EBF1: variants seen among roughly 807,000 people sequenced by gnomAD.
EBF1 encodes the protein EBF transcription factor 1.
A neutral mutation model predicts 68.4 loss-of-function variants in EBF1; 10 were observed. The observed-to-expected ratio is 0.15, with a 90% CI of 0.09 to 0.25. EBF1 has a LOEUF of 0.25. EBF1 is among the 10% of genes least tolerant of loss of function. The pLI is 1.00. For synonymous variants in EBF1, 298 were observed against 299.8 expected (o/e 0.99, Z 0.06); for missense variants, 509 against 794.4 (o/e 0.64, Z 4.32).
intron 7 of EBF1, among the ~76,000 whole-genome samples, chr5:158,834,994 T>A (rs1423880137): frequency 6.6e-6 from 1 of 151,798 alleles, no homozygotes; most frequent in Non-Finnish European, 1.5e-5. Context: ...GAGACCAGAG[T>A]TTTTTTGTGC....
chr5:159,077,529 A>T (rs1778989402), intron 5 of EBF1, among the ~76,000 whole-genome samples: 1 of 152,074 alleles, frequency 6.6e-6, no homozygotes, highest in South Asian at 2.1e-4. Context: ...TGTATTTTAT[A>T]TTCATTTGTC....
intron 6 of EBF1, among the ~76,000 whole-genome samples, chr5:159,037,787 T>C (rs1048355793): frequency 3.3e-5 from 5 of 151,802 alleles, no homozygotes; most frequent in Admixed American, 1.3e-4. Context: ...GCACATGTAC[T>C]CTAAAACTTA....
intron 14 of EBF1, among the ~76,000 whole-genome samples, chr5:158,708,813 T>C (rs1283467896): frequency 6.6e-6 from 1 of 152,138 alleles, no homozygotes; most frequent in African/African-American, 2.4e-5. Flanking sequence ...TTGTGAAAAA[T>C]GCAGAACTCT....
At position 158,778,031 on chromosome 5, in the gene EBF1, G is replaced by A. The variant is rs570075921; in HGVS notation, c.910-492C>T. 3.3e-5 allele frequency among the ~76,000 whole-genome samples: 5 copies of A among 152,208 alleles called. No individual in the cohort carries two copies. In the South Asian group the frequency reaches 1.0e-3, roughly 32 times the overall value. On this transcript the variant is annotated intron_variant, in intron 9 of 15. Transcript: ENST00000313708. ...AGACCATTTGGTGTATTAACTACCA[G>A]AGGCACAATCAAAGAGCTTTACAGG...
rs368926751 is a variant in EBF1, at chr5:159,015,094, T to A, written c.554+58302A>T. Among the ~76,000 whole-genome samples, 4 of 152,382 alleles carry A rather than the reference T, an allele frequency of 2.6e-5. No homozygotes were observed. The South Asian group carries it at 6.2e-4, about 24-fold the overall frequency. On this transcript the variant is annotated intron_variant, in intron 6 of 15. Coordinates refer to ENST00000313708, the MANE Select transcript of EBF1 (RefSeq NM_024007.5). ...TGCAGCCGAATCTAACTATGGCTGA[T>A]GCAGTCACCTAAAGAAAGGCATGGA...
intron 8 of EBF1, among the ~76,000 whole-genome samples, chr5:158,798,737 G>A (rs1020605135): frequency 7.9e-5 from 12 of 152,186 alleles, no homozygotes; most frequent in Admixed American, 3.9e-4. Flanking sequence ...ATATGTCAAT[G>A]CCTCAGAGGC....
intron 6 of EBF1, among the ~76,000 whole-genome samples, chr5:158,848,430 A>T (rs1417195898): frequency 6.6e-6 from 1 of 152,198 alleles, no homozygotes; most frequent in East Asian, 1.9e-4. Flanking sequence ...ATAAATTTTA[A>T]TATTTTTTGA....
chr5:158,791,803 T>C (rs1778663380), intron 9 of EBF1, among the ~76,000 whole-genome samples: 1 of 152,140 alleles, frequency 6.6e-6, no homozygotes, highest in Non-Finnish European at 1.5e-5. Flanking sequence ...TATATAAATA[T>C]ATTATGTAAC....
intron 6 of EBF1, among the ~76,000 whole-genome samples, chr5:158,964,308 G>A (rs944837435): frequency 6.6e-6 from 1 of 152,296 alleles, no homozygotes; most frequent in Non-Finnish European, 1.5e-5. Flanking sequence ...CTGGGACAAT[G>A]AGGAGCCAGG....
intron 6 of EBF1, among the ~76,000 whole-genome samples, chr5:158,873,406 C>A (rs532098787): frequency 6.6e-6 from 1 of 152,228 alleles, no homozygotes; most frequent in South Asian, 2.1e-4. Flanking sequence ...CCACAGTGTT[C>A]CCTGAACTTC....
chr5:158,866,871 A>G (rs1288760888), intron 6 of EBF1, among the ~76,000 whole-genome samples: 12 of 89,426 alleles, frequency 1.3e-4, no homozygotes, highest in African/African-American at 3.9e-4. Context: ...ATATATATAT[A>G]TATATATATA....
intron 9 of EBF1, among the ~76,000 whole-genome samples, chr5:158,793,481 C>T (rs1779046983): frequency 6.6e-6 from 1 of 152,102 alleles, no homozygotes; most frequent in African/African-American, 2.4e-5. Context: ...CTTATGAAAC[C>T]TCATTTTTTT....
chr5:159,076,868 G>A (rs1778870047), intron 5 of EBF1, among the ~76,000 whole-genome samples: 1 of 152,186 alleles, frequency 6.6e-6, no homozygotes, highest in Non-Finnish European at 1.5e-5. Context: ...ATATGGATGT[G>A]TGTGTACACA....
intron 6 of EBF1, among the ~76,000 whole-genome samples, chr5:158,964,647 T>C (rs1268702089): frequency 3.3e-5 from 5 of 151,278 alleles, no homozygotes; most frequent in African/African-American, 4.9e-5. Flanking sequence ...CCCAGAAATA[T>C]TATATGATCA....
chr5:158,728,255 G>A lies in EBF1; in HGVS notation c.1125+2814C>T, dbSNP rs180681990. 2.9e-3 allele frequency among the ~76,000 whole-genome samples: 437 copies of A among 152,218 alleles called. 2 individuals carry two copies. Among genetic ancestry groups the A allele is most frequent in the African/African-American group, 9.7e-3 (403 of 41,530 alleles). ...CTGAGAGCTTCCTGGGGTGGGCTCC[G>A]GCCAGCCCTTGCACGATCAAGTGGC... On this transcript the variant is annotated intron_variant, in intron 11 of 15. Transcript: ENST00000313708.
At chr5:158,876,791 C>T (rs564074303) in intron 6 of EBF1, among the ~76,000 whole-genome samples, 117 of 152,262 alleles carry the variant, frequency 7.7e-4, no homozygotes, top group African/African-American at 2.8e-3. Flanking sequence ...TTGATAGCCC[C>T]CTTTCGATTG....
At position 158,956,496 on chromosome 5, in the gene EBF1, C is replaced by T. The variant is rs145992728; in HGVS notation, c.555-116386G>A. On this transcript the variant is annotated intron_variant, in intron 6 of 15. Transcript: ENST00000313708. ...ACACACACGCACACACACACACGCA[C>T]GCACACTTTCAGATATTCCTTCTAA... Among the ~76,000 whole-genome samples the T allele has an allele frequency of 3.1e-3, 472 of 152,096 alleles. 5 individuals carry two copies. The highest frequency in any genetic ancestry group is 9.8e-3 in the African/African-American group (405 of 41,520).
chr5:158,827,861 A>T (rs914281732), intron 7 of EBF1, among the ~76,000 whole-genome samples: 1 of 152,314 alleles, frequency 6.6e-6, no homozygotes, highest in Admixed American at 6.5e-5. Context: ...CAAAGATTAG[A>T]CCATAAATAT....
At position 158,841,693 on chromosome 5, in the gene EBF1, G is replaced by A. The variant is rs145843737; in HGVS notation, c.555-1583C>T. On this transcript the variant is annotated intron_variant, in intron 6 of 15. Transcript: ENST00000313708. ...ATCCTCTATAACAACAGCACTGCAC[G>A]AAGACATACAGAGTTCAGCCAATTT... Among the ~76,000 whole-genome samples, 23 of 152,236 alleles carry A rather than the reference G, an allele frequency of 1.5e-4. No individual in the cohort carries two copies. The East Asian group carries it at 3.7e-3, about 24-fold the overall frequency.
Sources: allele counts gnomAD v4.1 joint callset (sites outside exome capture counted in the v4.1 genomes callset), GRCh38; gene constraint gnomAD v4.1.1; transcripts MANE v1.5; gene names NCBI Gene and HGNC (gene_info 2026-07-23, HGNC 2026-07-21).